GASK1A: variants seen among roughly 807,000 people sequenced by gnomAD.
GASK1A encodes golgi associated kinase 1A.
A neutral mutation model predicts 41.2 loss-of-function variants in GASK1A; 40 were observed. The observed-to-expected ratio is 0.97, with a 90% CI of 0.75 to 1.27. GASK1A has a LOEUF of 1.27. Among genes scored for constraint, GASK1A ranks in the 50% most tolerant of loss-of-function variants. The pLI is 0.00. For synonymous variants in GASK1A, 316 were observed against 307.1 expected (o/e 1.03, Z -0.30); for missense variants, 678 against 745.1 (o/e 0.91, Z 1.05).
At chr3:42,988,257 C>G (rs891171214) in intron 1 of GASK1A, among the ~76,000 whole-genome samples, 1 of 152,178 alleles carries the variant, frequency 6.6e-6, no homozygotes, top group Admixed American at 6.5e-5. Context: ...GCTAAGTGGC[C>G]GCGGGAAGGG....
At chr3:43,022,608 C>T (rs1234799877) in intron 1 of GASK1A, among the ~76,000 whole-genome samples, 1 of 152,114 alleles carries the variant, frequency 6.6e-6, no homozygotes, top group Admixed American at 6.5e-5. Context: ...CACTCTGGAC[C>T]TTTCTGTTTT....
intron 1 of GASK1A, among the ~76,000 whole-genome samples, chr3:43,024,768 C>A (rs2089538191): frequency 6.6e-6 from 1 of 152,178 alleles, no homozygotes; most frequent in African/African-American, 2.4e-5. Context: ...TCTGGAGATG[C>A]AATTGTGAGC....
intron 1 of GASK1A, among the ~76,000 whole-genome samples, chr3:43,031,326 C>T (rs1185268778): frequency 6.6e-6 from 1 of 152,210 alleles, no homozygotes; most frequent in Non-Finnish European, 1.5e-5. Context: ...GCTCATGATG[C>T]CCTAGAGCAG....
intron 1 of GASK1A, among the ~76,000 whole-genome samples, chr3:43,029,662 G>A (rs570414667): frequency 2.6e-4 from 40 of 152,322 alleles, no homozygotes; most frequent in African/African-American, 9.1e-4. Flanking sequence ...ACTCATGGAG[G>A]TGCTAAGAGG....
chr3:43,039,760 T>C (rs1363797435), intron 2 of GASK1A, among the ~76,000 whole-genome samples: 2 of 152,308 alleles, frequency 1.3e-5, no homozygotes, highest in East Asian at 3.9e-4. Context: ...AGTGTTTAGC[T>C]CCCACTTATA....
At chr3:43,042,412 G>A (rs2089642489) in intron 2 of GASK1A, among the ~76,000 whole-genome samples, 3 of 152,210 alleles carry the variant, frequency 2.0e-5, no homozygotes, top group Admixed American at 6.5e-5. Flanking sequence ...GGGCTCAGGA[G>A]GTGGAGGTTG....
At chr3:43,053,889 T>C in intron 3 of GASK1A, 1 of 589,490 alleles carries the variant, frequency 1.7e-6, no homozygotes, top group Admixed American at 2.2e-5. Context: ...TTGTTTTCAC[T>C]GTCTCCACTG....
intron 1 of GASK1A, among the ~76,000 whole-genome samples, chr3:43,003,371 T>C (rs1267558089): frequency 6.6e-6 from 1 of 151,996 alleles, no homozygotes; most frequent in Non-Finnish European, 1.5e-5. Context: ...GGCAGGCTCC[T>C]GTCATCCCAG....
chr3:43,007,631 T>A (rs2089443487), intron 1 of GASK1A, among the ~76,000 whole-genome samples: 1 of 152,260 alleles, frequency 6.6e-6, no homozygotes, highest in Non-Finnish European at 1.5e-5. Context: ...TGCTACTCAT[T>A]CACCTGCTTT....
Position 42,979,567 on chromosome 3 carries a change from G to A in GASK1A, c.-76G>A. On this transcript the variant is annotated 5_prime_UTR_variant, in exon 1 of 5. Transcript: ENST00000430121. ...AGCCTGGCGAGCCACGGCGCCGGGG[G>A]CGGCCAAGGGGAGGCGGGATGAGTC... 8.1e-7 allele frequency: 1 copy of A among 1,235,334 alleles called. No homozygotes were observed. Among genetic ancestry groups the A allele is most frequent in the Non-Finnish European group, 1.0e-6 (1 of 985,736 alleles). 76.5% of individuals were successfully genotyped at this position (1,235,334 alleles called of 1,614,324 possible). A position where few individuals can be genotyped will look rare whatever the true frequency, so the allele number is the denominator to read the frequency against.
At chr3:42,985,144 G>A (rs1329296876) in intron 1 of GASK1A, among the ~76,000 whole-genome samples, 1 of 152,118 alleles carries the variant, frequency 6.6e-6, no homozygotes, top group Admixed American at 6.6e-5. Flanking sequence ...GAGGGAAAAG[G>A]AGGAAGATAG....
rs112261381 is a variant in GASK1A, at chr3:43,044,852, C to T, written c.1291-8669C>T. On this transcript the variant is annotated intron_variant, in intron 2 of 4. Coordinates refer to ENST00000430121, the MANE Select transcript of GASK1A (RefSeq NM_001129908.3). ...GGGATGATCACACCCAACACGAGGC[C>T]GTGGGAGCTACAAAGTCTGGCGGAG... Among the ~76,000 whole-genome samples the T allele has an allele frequency of 9.7e-3, 1,472 of 152,176 alleles. 26 individuals are homozygous for T. Among genetic ancestry groups the T allele is most frequent in the African/African-American group, 0.032 (1,328 of 41,508 alleles).
At chr3:43,027,885 TG>T (rs2089553695) in intron 1 of GASK1A, among the ~76,000 whole-genome samples, 1 of 152,224 alleles carries the variant, frequency 6.6e-6, no homozygotes, top group African/African-American at 2.4e-5. Flanking sequence ...CAGGAGATCC[TG>T]AGAACAGGTG....
In GASK1A at chr3:43,029,797, C is replaced by T. The variant is rs138904845; in HGVS notation, c.4-2470C>T. ...CAGCTGGGCTGTAACTGAGATTTCC[C>T]ATTTCCACTTCCTTTTGATTATTTT... On this transcript the variant is annotated intron_variant, in intron 1 of 4. Coordinates refer to ENST00000430121, the MANE Select transcript of GASK1A (RefSeq NM_001129908.3). Among the ~76,000 whole-genome samples, 372 of 152,300 alleles carry T rather than the reference C, an allele frequency of 2.4e-3. 3 individuals are homozygous for T. The highest frequency in any genetic ancestry group is 0.01 in the Middle Eastern group (3 of 294).
intron 2 of GASK1A, among the ~76,000 whole-genome samples, chr3:43,039,811 G>A (rs1268818227): frequency 6.6e-6 from 1 of 152,098 alleles, no homozygotes; most frequent in East Asian, 1.9e-4. Context: ...TCCTGAGTTA[G>A]TTTGCTTAGG....
At chr3:43,017,957 G>A (rs1195338049) in intron 1 of GASK1A, among the ~76,000 whole-genome samples, 1 of 152,048 alleles carries the variant, frequency 6.6e-6, no homozygotes, top group Non-Finnish European at 1.5e-5. Context: ...GGAAGATTCA[G>A]TGTGATGTCA....
intron 1 of GASK1A, among the ~76,000 whole-genome samples, chr3:43,026,940 G>C (rs761447751): frequency 1.3e-5 from 2 of 152,126 alleles, no homozygotes; most frequent in African/African-American, 2.4e-5. Context: ...AAGCTGACCC[G>C]AAACAGTCAA....
intron 1 of GASK1A, among the ~76,000 whole-genome samples, chr3:42,981,210 G>A (rs769857592): frequency 3.9e-5 from 6 of 152,164 alleles, no homozygotes; most frequent in African/African-American, 1.4e-4. Context: ...ACTGTCTCAG[G>A]GTTCACTTGC....
chr3:43,017,263 A>AAGGGGCAATGTGAAGTCAC (rs2089496586), intron 1 of GASK1A, among the ~76,000 whole-genome samples: 3 of 150,790 alleles, frequency 2.0e-5, no homozygotes, highest in Non-Finnish European at 4.4e-5. Flanking sequence ...AGGTCACAGG[A>AAGGGGCAATGTGAAGTCAC]AGGGGCAATG....
Sources: gnomAD v4.1 joint callset for allele counts (sites outside exome capture counted in the v4.1 genomes callset) on GRCh38, gnomAD v4.1.1 for gene constraint, MANE v1.5 for transcripts, NCBI Gene and HGNC (gene_info 2026-07-23, HGNC 2026-07-21) for gene names.